The following BCAT1 variants were observed in gnomAD, a reference collection of about 807,000 sequenced individuals.
BCAT1 encodes the protein branched chain amino acid transaminase 1.
BCAT1 carries 48 observed loss-of-function variants against 52.4 expected under a neutral mutation model. The ratio of observed to expected loss-of-function variants is 0.92; its 90% CI spans 0.73 to 1.16. The LOEUF (loss-of-function observed/expected upper bound fraction) is 1.16. BCAT1 is among the 50% of genes most tolerant of loss of function. The probability of loss-of-function intolerance (pLI) is 0.00; values close to 1 mark genes in which losing one functional copy is unlikely to be tolerated. For synonymous variants in BCAT1, 167 were observed against 161.3 expected (o/e 1.04, Z -0.27); for missense variants, 451 against 457.1 (o/e 0.99, Z 0.12).
intron 4 of BCAT1, among the ~76,000 whole-genome samples, chr12:24,880,964 C>T (rs1237561465): frequency 6.6e-6 from 1 of 151,942 alleles, no homozygotes; most frequent in African/African-American, 2.4e-5. Flanking sequence ...TCAGCCACAC[C>T]GATGGGACCA....
At chr12:24,947,710 C>T (rs991805250) in intron 1 of BCAT1, among the ~76,000 whole-genome samples, 8 of 152,132 alleles carry the variant, frequency 5.3e-5, no homozygotes, top group Non-Finnish European at 1.0e-4. Context: ...CCTACAAAAA[C>T]GCGTAATTAA....
At position 24,837,129 on chromosome 12, in the gene BCAT1, G is replaced by GAA. The variant is rs1240476679; in HGVS notation, c.818-534_818-533insTT. Among the ~76,000 whole-genome samples, 29 of 131,366 alleles carry GAA rather than the reference G, an allele frequency of 2.2e-4. 1 individual carries two copies. The highest frequency in any genetic ancestry group is 3.9e-3 in the Middle Eastern group (1 of 256). 86.2% of individuals were successfully genotyped at this position (131,366 alleles called of 152,430 possible). ...GAAGAAAGAGAAGGAAGGGAGGAAG[G>GAA]GGGGAGGGAAGGAAGGAAAGTTATC... is the stretch of plus-strand genomic sequence containing the variant. On this transcript the variant is annotated intron_variant, in intron 7 of 10. Transcript: ENST00000261192.
intron 5 of BCAT1, among the ~76,000 whole-genome samples, chr12:24,851,547 A>T (rs1009260689): frequency 6.6e-6 from 1 of 152,238 alleles, no homozygotes; most frequent in African/African-American, 2.4e-5. Flanking sequence ...TTAGCATTCC[A>T]TGGGAACATG....
In BCAT1 at chr12:24,818,025, T is replaced by A. The variant is rs763782302; in HGVS notation, c.1144A>T (p.Thr382Ser). The change falls in exon 11 of 11, where the codon ACA (threonine) becomes TCA (serine). Residue 382 changes from threonine to serine, a missense_variant. Physicochemically the swap from Thr to Ser is moderately conservative, Grantham distance 58 (BLOSUM62 1). Coordinates refer to ENST00000261192, the MANE Select transcript of BCAT1 (RefSeq NM_005504.7). ...TTTTCCATTCAGGATAGCACAATTG[T>A]CCAGTCGCTCTCTTCTCTTCCATAC... ...IQYGREESDW[T>S]IVLS 1.5e-5 allele frequency: 25 copies of A among 1,613,004 alleles called. 1 individual carries two copies. The highest frequency in any genetic ancestry group is 3.3e-4 in the Middle Eastern group (2 of 6,070).
chr12:24,834,945 G>T, intron 8 of BCAT1: 1 of 237,026 alleles, frequency 4.2e-6, no homozygotes, highest in Non-Finnish European at 7.0e-6. Context: ...GGCATTTCAC[G>T]TCTCATGTTT....
chr12:24,936,310 G>A (rs946224986), intron 1 of BCAT1, among the ~76,000 whole-genome samples: 1 of 152,186 alleles, frequency 6.6e-6, no homozygotes, highest in Non-Finnish European at 1.5e-5. Flanking sequence ...TTAGCTTACT[G>A]CAATCTCTAC....
At chr12:24,896,466 T>C (rs1003361462) in intron 2 of BCAT1, among the ~76,000 whole-genome samples, 3 of 152,138 alleles carry the variant, frequency 2.0e-5, no homozygotes, top group Admixed American at 1.3e-4. Flanking sequence ...ATTTATCATC[T>C]AGCCATTTAA....
At position 24,836,607 on chromosome 12, in the gene BCAT1, G is replaced by A. The variant is rs1940936216; in HGVS notation, c.818-11C>T. The stretch of plus-strand genomic sequence containing the variant: ...TTGCCAGTTCTTCTTCTGTCAATCA[G>A]AAATTGGGACATTTTCAAACTTTCA... On this transcript the variant is annotated splice_polypyrimidine_tract_variant and intron_variant, in intron 7 of 10. Transcript: ENST00000261192. 1 of 1,602,432 alleles carries A rather than the reference G, an allele frequency of 6.2e-7. No homozygotes were observed. Among genetic ancestry groups the A allele is most frequent in the Non-Finnish European group, 8.5e-7 (1 of 1,172,302 alleles).
At position 24,881,365 on chromosome 12, in the gene BCAT1, C is replaced by CGAATTTTA; in HGVS notation, c.318_325dup (p.Arg109LeufsTer20). 6.2e-7 allele frequency: 1 copy of CGAATTTTA among 1,613,284 alleles called. No individual in the cohort carries two copies. Among genetic ancestry groups the CGAATTTTA allele is most frequent in the Non-Finnish European group, 8.5e-7 (1 of 1,179,380 alleles). On this transcript the variant is annotated frameshift_variant, in exon 4 of 11. Coordinates refer to ENST00000261192, the MANE Select transcript of BCAT1 (RefSeq NM_005504.7). LOFTEE classifies it high-confidence loss of function. ...CATGTTGAGGTTTGGCTGAAACAGT[C>CGAATTTTA]GAATTTTATTATCTACTCCTCGAAA...
At chr12:24,902,751 G>A in intron 1 of BCAT1, 2 of 789,434 alleles carry the variant, frequency 2.5e-6, no homozygotes, top group Non-Finnish European at 3.8e-6. Flanking sequence ...TCGAAGAGGT[G>A]GAGATTGCAG....
chr12:24,939,558 CG>C (rs2139758751), intron 1 of BCAT1, among the ~76,000 whole-genome samples: 1 of 152,168 alleles, frequency 6.6e-6, no homozygotes, highest in Admixed American at 6.5e-5. Context: ...CTTAAATGGC[CG>C]GGTGCAGTGG....
intron 10 of BCAT1, among the ~76,000 whole-genome samples, chr12:24,820,955 T>C (rs1940097686): frequency 6.6e-6 from 1 of 152,190 alleles, no homozygotes; most frequent in South Asian, 2.1e-4. Context: ...TCATTCTTGC[T>C]CTAAACCCTA....
rs938795374 is a variant in BCAT1, at chr12:24,811,091, A to G, written c.*6917T>C. ...TCAAACGACAAAGCTAAGTTTTACT[A>G]CAGATAAATCCATAACCAGGGGAAG... is the stretch of plus-strand genomic sequence containing the variant. On this transcript the variant is annotated 3_prime_UTR_variant, in exon 11 of 11. Transcript: ENST00000261192. The G allele has an allele frequency of 6.6e-6, 1 of 152,198 alleles. No homozygotes were observed. Among genetic ancestry groups the G allele is most frequent in the Non-Finnish European group, 1.5e-5 (1 of 68,038 alleles). 9.4% of individuals were successfully genotyped at this position (152,198 alleles called of 1,614,324 possible). A position where few individuals can be genotyped will look rare whatever the true frequency, so the allele number is the denominator to read the frequency against.
chr12:24,825,702 A>G (rs1940366533), intron 10 of BCAT1, among the ~76,000 whole-genome samples: 1 of 152,066 alleles, frequency 6.6e-6, no homozygotes, highest in African/African-American at 2.4e-5. Flanking sequence ...AAACCAGATT[A>G]CTAGATTTTT....
At chr12:24,842,250 T>C in intron 6 of BCAT1, 26 bp from the exon 7 acceptor site, 1 of 1,611,808 alleles carries the variant, frequency 6.2e-7, no homozygotes, top group South Asian at 1.1e-5. Flanking sequence ...AATACACAGG[T>C]TACAAACATA....
In BCAT1 at chr12:24,887,080, AAT is replaced by A. The variant is rs71063368; in HGVS notation, c.280-5671_280-5670del. Among the ~76,000 whole-genome samples, 206 of 40,708 alleles carry A rather than the reference AAT, an allele frequency of 5.1e-3. 2 individuals are homozygous for A. The highest frequency in any genetic ancestry group is 7.7e-3 in the Non-Finnish European group (147 of 19,054). 26.7% of individuals were successfully genotyped at this position (40,708 alleles called of 152,430 possible). A position where few individuals can be genotyped will look rare whatever the true frequency, so the allele number is the denominator to read the frequency against. On this transcript the variant is annotated intron_variant, in intron 3 of 10. Transcript: ENST00000261192. Reference sequence around the variant, plus strand: ...GCTAGCTAAAAAAAAAAAAAAAAAAAATATATATATATATATATATATATATA... The same window carrying A: ...GCTAGCTAAAAAAAAAAAAAAAAAAAATATATATATATATATATATATATA...
rs1939902125 is a variant in BCAT1, at chr12:24,817,058, C to A, written c.*950G>T. 1 of 154,776 alleles carries A rather than the reference C, an allele frequency of 6.5e-6. No individual in the cohort carries two copies. The highest frequency in any genetic ancestry group is 6.5e-5 in the Admixed American group (1 of 15,336). 9.6% of individuals were successfully genotyped at this position (154,776 alleles called of 1,614,324 possible). ...CTGCTCTAGGGATATATCTTCAATTCCAAGATAATTCTAATACAATCAATA... is the reference window on the plus strand; with the variant it reads ...CTGCTCTAGGGATATATCTTCAATTACAAGATAATTCTAATACAATCAATA... On this transcript the variant is annotated 3_prime_UTR_variant, in exon 11 of 11. Transcript: ENST00000261192.
intron 1 of BCAT1, among the ~76,000 whole-genome samples, chr12:24,906,056 G>A (rs1943221000): frequency 6.6e-6 from 1 of 151,730 alleles, no homozygotes; most frequent in Admixed American, 6.6e-5. Flanking sequence ...GGGCTCGGTG[G>A]CATGTGCCTG....
At chr12:24,907,847 C>A (rs1449898767) in intron 1 of BCAT1, among the ~76,000 whole-genome samples, 2 of 152,214 alleles carry the variant, frequency 1.3e-5, no homozygotes, top group Non-Finnish European at 2.9e-5. Context: ...TGCTGACTCT[C>A]TTTTCAGACT....
Sources: gnomAD v4.1 joint callset for allele counts (sites outside exome capture counted in the v4.1 genomes callset) on GRCh38, gnomAD v4.1.1 for gene constraint, MANE v1.5 for transcripts, NCBI Gene and HGNC (gene_info 2026-07-23, HGNC 2026-07-21) for gene names.